Variants in RBBP4 observed in about 807,000 individuals in gnomAD.
RBBP4 encodes the protein RB binding protein 4, chromatin remodeling factor.
Under a neutral mutation model 57.2 loss-of-function variants are expected in RBBP4, and 3 were observed. That is an observed-to-expected ratio of 0.05 (90% CI 0.02 to 0.14). RBBP4 has a LOEUF of 0.14. RBBP4 is among the 10% of genes least tolerant of loss of function. The probability of loss-of-function intolerance (pLI) is 1.00; values close to 1 mark genes in which losing one functional copy is unlikely to be tolerated. For missense variants in RBBP4, 107 were observed against 520.6 expected (o/e 0.21, Z 7.73); for synonymous variants, 151 against 171.5 (o/e 0.88, Z 0.93).
intron 11 of RBBP4, among the ~76,000 whole-genome samples, chr1:32,677,709 G>GTGT (rs1649164616): frequency 1.3e-4 from 1 of 7,422 alleles, no homozygotes; most frequent in Non-Finnish European, 4.2e-3. Flanking sequence ...GAATAGGATT[G>GTGT]AGTTGTACAC....
intron 2 of RBBP4, among the ~76,000 whole-genome samples, chr1:32,654,102 G>T (rs1648031452): frequency 6.6e-6 from 1 of 152,066 alleles, no homozygotes; most frequent in African/African-American, 2.4e-5. Flanking sequence ...GCTGGTCATG[G>T]TGGCTCACAC....
At position 32,669,137 on chromosome 1, in the gene RBBP4, G is replaced by A; in HGVS notation, c.761+5G>A. 6.2e-7 allele frequency: 1 copy of A among 1,613,760 alleles called. No individual in the cohort carries two copies. The highest frequency in any genetic ancestry group is 8.5e-7 in the Non-Finnish European group (1 of 1,179,846). ...TGATGATCAGAAACTTATGATGTGA[G>A]TAGAATCCATTCAGAGTTTCTAAAT... On this transcript the variant is annotated splice_donor_5th_base_variant and intron_variant, in intron 6 of 11. Transcript: ENST00000373493. This position sits in a 1 kb window ranked among gnomAD's most constrained non-coding sequence, Gnocchi z 4.9.
At chr1:32,653,695 CTT>C (rs1380017274) in intron 2 of RBBP4, among the ~76,000 whole-genome samples, 8 of 121,490 alleles carry the variant, frequency 6.6e-5, no homozygotes, top group Non-Finnish European at 8.1e-5. Flanking sequence ...AGTCTCCTCT[CTT>C]GCCCAGGCTG....
chr1:32,677,448 T>C (rs1649148930), intron 11 of RBBP4, among the ~76,000 whole-genome samples: 1 of 148,398 alleles, frequency 6.7e-6, no homozygotes, highest in Non-Finnish European at 1.5e-5. Context: ...TTCCATGTGG[T>C]TCCTCAGTTG....
Position 32,683,974 on chromosome 1 carries a change from CA to C in RBBP4, c.*4271del. On this transcript the variant is annotated 3_prime_UTR_variant, in exon 12 of 12. Coordinates refer to ENST00000373493, the MANE Select transcript of RBBP4 (RefSeq NM_005610.3). ...ATTAGTATTGTTAGGAAAGCAGTAA[CA>C]ATGCAAACACCACTCTTCTCTTCAC... The C allele has an allele frequency of 6.3e-7, 1 of 1,596,366 alleles. No individual in the cohort carries two copies. Among genetic ancestry groups the C allele is most frequent in the South Asian group, 1.1e-5 (1 of 90,558 alleles).
At chr1:32,660,602 T>TTA (rs1553194514) in intron 3 of RBBP4, among the ~76,000 whole-genome samples, 5 of 150,512 alleles carry the variant, frequency 3.3e-5, no homozygotes, top group East Asian at 3.9e-4. Flanking sequence ...TTTTTTTTTT[T>TTA]AAGAGATGGC....
At position 32,681,763 on chromosome 1, in the gene RBBP4, T is replaced by C. The variant is rs748978544; in HGVS notation, c.*2058T>C. On this transcript the variant is annotated 3_prime_UTR_variant, in exon 12 of 12. Coordinates refer to ENST00000373493, the MANE Select transcript of RBBP4 (RefSeq NM_005610.3). ...CCAAGTTTCTGGCACTCTTGTCTGG[T>C]TGGAAGAGTACATCCAAAGGGTACT... is the stretch of plus-strand genomic sequence containing the variant. The C allele has an allele frequency of 1.2e-6, 2 of 1,609,628 alleles. No individual in the cohort carries two copies. Among genetic ancestry groups the C allele is most frequent in the Non-Finnish European group, 8.5e-7 (1 of 1,176,310 alleles).
At chr1:32,656,398 G>C (rs1648141885) in intron 2 of RBBP4, among the ~76,000 whole-genome samples, 1 of 152,056 alleles carries the variant, frequency 6.6e-6, no homozygotes. Context: ...TTTCGCCCAG[G>C]CTGGAGTGCA....
At chr1:32,678,267 C>T (rs986225864) in intron 11 of RBBP4, among the ~76,000 whole-genome samples, 2 of 152,184 alleles carry the variant, frequency 1.3e-5, no homozygotes, top group African/African-American at 4.8e-5. Context: ...AGTCTTGCCC[C>T]CCAGGCTGGA....
At chr1:32,664,491 C>T (rs1409492961) in intron 3 of RBBP4, among the ~76,000 whole-genome samples, 2 of 151,860 alleles carry the variant, frequency 1.3e-5, no homozygotes, top group East Asian at 1.9e-4. Flanking sequence ...CTCACTCTGT[C>T]GCCCAGACTG....
chr1:32,653,799 C>G (rs780831217), intron 2 of RBBP4, among the ~76,000 whole-genome samples: 2 of 151,480 alleles, frequency 1.3e-5, no homozygotes, highest in Non-Finnish European at 2.9e-5. Flanking sequence ...GCTGGGACTA[C>G]AGGTGCCGGC....
intron 3 of RBBP4, among the ~76,000 whole-genome samples, chr1:32,662,610 G>A (rs1429190628): frequency 1.3e-5 from 2 of 151,700 alleles, no homozygotes; most frequent in East Asian, 3.9e-4. Context: ...TCCTGACCTC[G>A]TGATCCACCT....
chr1:32,674,010 A>G (rs1042233492), intron 11 of RBBP4, among the ~76,000 whole-genome samples: 3 of 152,048 alleles, frequency 2.0e-5, no homozygotes, highest in African/African-American at 4.8e-5. Flanking sequence ...CTGAGGCAGG[A>G]AAATGGCGTG....
At chr1:32,665,757 T>A (rs1648618146) in intron 3 of RBBP4, among the ~76,000 whole-genome samples, 1 of 151,668 alleles carries the variant, frequency 6.6e-6, no homozygotes, top group Non-Finnish European at 1.5e-5. Flanking sequence ...CTCTCACAAC[T>A]TCTTTGCTTT....
intron 8 of RBBP4, among the ~76,000 whole-genome samples, chr1:32,671,987 AT>A (rs963586563): frequency 3.4e-5 from 5 of 147,602 alleles, no homozygotes; most frequent in South Asian, 4.3e-4. Flanking sequence ...TTTTGTAAAC[AT>A]TTTTTTTTTG....
At chr1:32,672,424 G>T in intron 8 of RBBP4, 26 bp from the exon 9 acceptor site, 1 of 1,505,578 alleles carries the variant, frequency 6.6e-7, no homozygotes. Flanking sequence ...TCATGGCTTT[G>T]CTCTTTTCTT....
chr1:32,658,280 A>G (rs1173755652), intron 3 of RBBP4, among the ~76,000 whole-genome samples: 1 of 151,808 alleles, frequency 6.6e-6, no homozygotes, highest in Non-Finnish European at 1.5e-5. Flanking sequence ...CACAGAGGAC[A>G]TAGGATATCT....
At chr1:32,652,382 T>TG (rs1432210459) in intron 2 of RBBP4, 1 of 225,050 alleles carries the variant, frequency 4.4e-6, no homozygotes, top group African/African-American at 2.3e-5. Context: ...CCAGGAGCAG[T>TG]GGCTCACACT....
intron 8 of RBBP4, among the ~76,000 whole-genome samples, chr1:32,671,680 G>C (rs931833545): frequency 3.1e-5 from 4 of 128,132 alleles, no homozygotes; most frequent in Non-Finnish European, 6.8e-5. Flanking sequence ...AAGCAATATA[G>C]CGAGGCCTCA....
Sources: gnomAD v4.1 joint callset for allele counts (sites outside exome capture counted in the v4.1 genomes callset) on GRCh38, gnomAD v4.1.1 for gene constraint, Gnocchi (gnomAD v3.1) non-coding constraint, MANE v1.5 for transcripts, NCBI Gene and HGNC (gene_info 2026-07-23, HGNC 2026-07-21) for gene names.